RNF126: variants seen among roughly 807,000 people sequenced by gnomAD.
RNF126 encodes the protein ring finger protein 126.
A neutral mutation model predicts 41.9 loss-of-function variants in RNF126; 20 were observed. The ratio of observed to expected loss-of-function variants is 0.48; its 90% CI spans 0.34 to 0.69. The LOEUF (loss-of-function observed/expected upper bound fraction) is 0.69. Among genes scored for constraint, RNF126 ranks in the 30% least tolerant of loss-of-function variants. The pLI is 0.01. For missense variants in RNF126, 433 were observed against 460.6 expected (o/e 0.94, Z 0.55); for synonymous variants, 239 against 202.9 (o/e 1.18, Z -1.51).
rs955632947 is a variant in RNF126 at position 647,808 on chromosome 19, C to T, written c.*320G>A. On this transcript the variant is annotated 3_prime_UTR_variant, in exon 9 of 9. Coordinates refer to ENST00000292363, the MANE Select transcript of RNF126 (RefSeq NM_194460.3). ...CGCCACAAACCATGCATGGCCGCCACGTGAGCTCAAACGTCCGTTTATTTC... is the reference window on the plus strand; with the variant it reads ...CGCCACAAACCATGCATGGCCGCCATGTGAGCTCAAACGTCCGTTTATTTC... 9 of 432,134 alleles carry T rather than the reference C, an allele frequency of 2.1e-5. No homozygotes were observed. The highest frequency in any genetic ancestry group is 1.0e-4 in the African/African-American group (5 of 48,032). The allele number at this position is 432,134 out of a possible 1,614,324, so 26.8% of individuals were successfully genotyped here. A position where few individuals can be genotyped will look rare whatever the true frequency, so the allele number is the denominator to read the frequency against.
At chr19:653,770 CTCTCTATGAACGACCCAG>C (rs1203326453) in intron 1 of RNF126, among the ~76,000 whole-genome samples, 2 of 152,232 alleles carry the variant, frequency 1.3e-5, no homozygotes, top group Admixed American at 1.3e-4. Context: ...AAATCAACTG[CTCTCTATGAACGACCCAG>C]TCTCAAGTGC....
chr19:648,363 G>A lies in RNF126; in HGVS notation c.786+9C>T, dbSNP rs1473832051. 3 of 516,662 alleles carry A rather than the reference G, an allele frequency of 5.8e-6. No individual in the cohort carries two copies. The highest frequency in any genetic ancestry group is 2.4e-5 in the Admixed American group (1 of 41,960). The allele number at this position is 516,662 out of a possible 1,614,324, so 32.0% of individuals were successfully genotyped here. Reference sequence around the variant, plus strand: ...TCGGGGTGGGGGGGCGGGTGGGCGGGGCACTCACCTGCTCCAGCCAGGGCA... The same window carrying A: ...TCGGGGTGGGGGGGCGGGTGGGCGGAGCACTCACCTGCTCCAGCCAGGGCA... On this transcript the variant is annotated intron_variant, in intron 8 of 8. Coordinates refer to ENST00000292363, the MANE Select transcript of RNF126 (RefSeq NM_194460.3).
At chr19:650,781 C>T (rs948781266) in intron 4 of RNF126, among the ~76,000 whole-genome samples, 2 of 151,982 alleles carry the variant, frequency 1.3e-5, no homozygotes, top group Admixed American at 6.6e-5. Context: ...TTAGTAGAGA[C>T]GGAGTTTCAT....
At chr19:654,819 T>C (rs1301677926) in intron 1 of RNF126, among the ~76,000 whole-genome samples, 1 of 151,540 alleles carries the variant, frequency 6.6e-6, no homozygotes, top group Admixed American at 6.6e-5. Flanking sequence ...ATACAAATGT[T>C]AGCCAGGCGT....
intron 5 of RNF126, among the ~76,000 whole-genome samples, 176 bp from the exon 6 acceptor site, chr19:649,924 C>A (rs529376158): frequency 4.1e-4 from 59 of 143,186 alleles, no homozygotes; most frequent in African/African-American, 1.5e-3. Context: ...GGGGCCCAGG[C>A]TGGGGATGGG....
intron 1 of RNF126, among the ~76,000 whole-genome samples, chr19:654,368 C>A (rs781719335): frequency 2.1e-4 from 32 of 152,228 alleles, no homozygotes; most frequent in Non-Finnish European, 3.7e-4. Context: ...TCACCGGGGG[C>A]GCGGTGGCTC....
Position 648,364 on chromosome 19 carries a change from G to GGGCCCCCC in RNF126, c.786+7_786+8insGGGGGGCC. ...CGGGGTGGGGGGGCGGGTGGGCGGGGCACTCACCTGCTCCAGCCAGGGCAC... is the reference window on the plus strand; with the variant it reads ...CGGGGTGGGGGGGCGGGTGGGCGGGGGGCCCCCCCACTCACCTGCTCCAGCCAGGGCAC... On this transcript the variant is annotated splice_region_variant and intron_variant, in intron 8 of 8. Transcript: ENST00000292363. The GGGCCCCCC allele has an allele frequency of 2.0e-6, 1 of 510,496 alleles. No individual in the cohort carries two copies. Among genetic ancestry groups the GGGCCCCCC allele is most frequent in the Non-Finnish European group, 3.6e-6 (1 of 278,362 alleles). The allele number at this position is 510,496 out of a possible 1,614,324, so 31.6% of individuals were successfully genotyped here. A position where few individuals can be genotyped will look rare whatever the true frequency, so the allele number is the denominator to read the frequency against.
At chr19:654,240 G>A (rs553009425) in intron 1 of RNF126, among the ~76,000 whole-genome samples, 60 of 152,344 alleles carry the variant, frequency 3.9e-4, no homozygotes, top group Non-Finnish European at 7.5e-4. Flanking sequence ...CACCGTGAGG[G>A]GAGAGTGAAG....
rs573452050 is a variant in RNF126, at chr19:662,739, T to G, written c.75+308A>C. ...GGCTTAGGGATCCCACCTGGGATCC[T>G]CGCGGCCTCTCGGGTCGGGAACGCC... On this transcript the variant is annotated intron_variant, in intron 1 of 8. Transcript: ENST00000292363. Among the ~76,000 whole-genome samples the G allele has an allele frequency of 5.4e-3, 818 of 152,096 alleles. 8 individuals are homozygous for G. Among genetic ancestry groups the G allele is most frequent in the African/African-American group, 0.019 (778 of 41,498 alleles).
chr19:654,718 G>T (rs930998709), intron 1 of RNF126, among the ~76,000 whole-genome samples: 4 of 146,794 alleles, frequency 2.7e-5, no homozygotes, highest in Admixed American at 2.1e-4. Context: ...TGTAATCCTG[G>T]CACTTTGGGA....
Position 651,832 on chromosome 19 carries a change from C to T in RNF126, c.222G>A (p.Thr74=), listed in dbSNP as rs147786640. The T allele has an allele frequency of 5.9e-4, 958 of 1,611,326 alleles. 3 individuals are homozygous for T. The Admixed American group carries it at 6.7e-3, about 11-fold the overall frequency. ...CAAACTGTCCGTAGCCCTGCGGCAGCGTGAACAGGTGCTGGTCCACGTGCT... is the reference window on the plus strand; with the variant it reads ...CAAACTGTCCGTAGCCCTGCGGCAGTGTGAACAGGTGCTGGTCCACGTGCT... ...PLEHVDQHLF[T]LPQGYGQFAF... is the part of the protein sequence containing the mutation. The change falls in exon 4 of 9, where the codon ACG becomes ACA. Residue 74 remains threonine, a synonymous_variant. Transcript: ENST00000292363.
chr19:660,611 C>G (rs1362858794), intron 1 of RNF126, among the ~76,000 whole-genome samples: 5 of 152,192 alleles, frequency 3.3e-5, no homozygotes, highest in Non-Finnish European at 5.9e-5. Flanking sequence ...GAACAAACGC[C>G]AGGTGTGCCC....
In RNF126 at chr19:652,828, G is replaced by A; in HGVS notation, c.132C>T (p.Thr44=). The change falls in exon 2 of 9, where the codon ACC becomes ACT. Residue 44 remains threonine (T), a splice_region_variant and synonymous_variant. Transcript: ENST00000292363. ...TCTTCAACAGGGGGCTGCATTACCT[G>A]GTCTCTTCCGGAAGCTCCTCGATAA... ...SGFIEELPEE[T]RSTENGSAPS... 6.2e-7 allele frequency: 1 copy of A among 1,612,804 alleles called. No individual in the cohort carries two copies. Among genetic ancestry groups the A allele is most frequent in the Non-Finnish European group, 8.5e-7 (1 of 1,179,524 alleles).
intron 1 of RNF126, among the ~76,000 whole-genome samples, chr19:654,331 C>A (rs2030463614): frequency 6.6e-6 from 1 of 152,174 alleles, no homozygotes; most frequent in South Asian, 2.1e-4. Context: ...CAGCCCACGC[C>A]CCACGAATTC....
chr19:650,410 T>A (rs2030220804), intron 4 of RNF126, 114 bp from the exon 5 acceptor site: 1 of 816,480 alleles, frequency 1.2e-6, no homozygotes, highest in Non-Finnish European at 1.9e-6. Flanking sequence ...GCTTCTAGAT[T>A]AGCTTCTATT....
intron 4 of RNF126, 116 bp from the exon 5 acceptor site, chr19:650,412 G>A (rs1455212088): frequency 7.4e-6 from 6 of 813,458 alleles, no homozygotes; most frequent in East Asian, 2.7e-5. Context: ...TTCTAGATTA[G>A]CTTCTATTTA....
chr19:650,343 G>A, intron 4 of RNF126, 47 bp from the exon 5 acceptor site: 1 of 1,536,900 alleles, frequency 6.5e-7, no homozygotes, highest in Non-Finnish European at 8.8e-7. Context: ...CCCACGCACA[G>A]GAGAGGCGCC....
Position 648,364 on chromosome 19 carries a change from G to GCCCCCCCCCCCCCCCC in RNF126, c.786+7_786+8insGGGGGGGGGGGGGGGG. On this transcript the variant is annotated splice_region_variant and intron_variant, in intron 8 of 8. Coordinates refer to ENST00000292363, the MANE Select transcript of RNF126 (RefSeq NM_194460.3). Reference sequence around the variant, plus strand: ...CGGGGTGGGGGGGCGGGTGGGCGGGGCACTCACCTGCTCCAGCCAGGGCAC... The same window carrying GCCCCCCCCCCCCCCCC: ...CGGGGTGGGGGGGCGGGTGGGCGGGGCCCCCCCCCCCCCCCCCACTCACCTGCTCCAGCCAGGGCAC... 3.9e-6 allele frequency: 2 copies of GCCCCCCCCCCCCCCCC among 510,454 alleles called. No homozygotes were observed. The highest frequency in any genetic ancestry group is 3.6e-6 in the Non-Finnish European group (1 of 278,328). The allele number at this position is 510,454 out of a possible 1,614,324, so 31.6% of individuals were successfully genotyped here. A position where few individuals can be genotyped will look rare whatever the true frequency, so the allele number is the denominator to read the frequency against.
At chr19:660,457 C>A (rs1293406780) in intron 1 of RNF126, among the ~76,000 whole-genome samples, 1 of 151,910 alleles carries the variant, frequency 6.6e-6, no homozygotes, top group Non-Finnish European at 1.5e-5. Flanking sequence ...CGACAGCCAG[C>A]CCAGGTGTCT....
Sources: allele counts gnomAD v4.1 joint callset (sites outside exome capture counted in the v4.1 genomes callset), GRCh38; gene constraint gnomAD v4.1.1; transcripts MANE v1.5; gene names NCBI Gene and HGNC (gene_info 2026-07-23, HGNC 2026-07-21).